The following BRAF variants were observed in gnomAD, a reference collection of about 807,000 sequenced individuals.
BRAF encodes B-Raf proto-oncogene, serine/threonine kinase.
Under a neutral mutation model 104.6 loss-of-function variants are expected in BRAF, and 16 were observed. The observed-to-expected ratio is 0.15, with a 90% confidence interval of 0.10 to 0.23. BRAF has a LOEUF of 0.23. BRAF is among the 10% of genes least tolerant of loss of function. The probability of loss-of-function intolerance (pLI) is 1.00; values close to 1 mark genes in which losing one functional copy is unlikely to be tolerated. For missense variants in BRAF, 541 were observed against 937.3 expected (o/e 0.58, Z 5.52); for synonymous variants, 310 against 341.6 (o/e 0.91, Z 1.02).
At chr7:140,762,043 T>C (rs887886527) in intron 14 of BRAF, among the ~76,000 whole-genome samples, 82 of 152,290 alleles carry the variant, frequency 5.4e-4, no homozygotes, top group Non-Finnish European at 1.0e-3. Flanking sequence ...GGGGACCTAA[T>C]AGACATCTAC....
intron 17 of BRAF, among the ~76,000 whole-genome samples, chr7:140,748,297 G>C (rs1797515608): frequency 6.6e-6 from 1 of 152,028 alleles, no homozygotes. Context: ...CATTAGGTTG[G>C]GAAGTTATGA....
intron 19 of BRAF, among the ~76,000 whole-genome samples, chr7:140,727,049 C>G (rs1795635169): frequency 6.6e-6 from 1 of 152,168 alleles, no homozygotes; most frequent in African/African-American, 2.4e-5. Context: ...CACCTTCAAT[C>G]TAACAAAAAA....
intron 3 of BRAF, among the ~76,000 whole-genome samples, chr7:140,830,703 G>C (rs1212121355): frequency 6.6e-6 from 1 of 152,144 alleles, no homozygotes; most frequent in Non-Finnish European, 1.5e-5. Context: ...ACACCTATAT[G>C]ATGAAGCTTC....
At chr7:140,841,342 CAAAGTGTA>C (rs1807944645) in intron 2 of BRAF, among the ~76,000 whole-genome samples, 1 of 152,164 alleles carries the variant, frequency 6.6e-6, no homozygotes, top group Admixed American at 6.5e-5. Flanking sequence ...GTTAGTTCCT[CAAAGTGTA>C]AAACAGAGTT....
Position 140,719,539 on chromosome 7 carries a change from A to G in BRAF, c.*6955T>C. 12 of 1,046,578 alleles carry G rather than the reference A, an allele frequency of 1.1e-5. No homozygotes were observed. Among genetic ancestry groups the G allele is most frequent in the Non-Finnish European group, 1.3e-5 (11 of 864,928 alleles). The allele number at this position is 1,046,578 out of a possible 1,614,324, so 64.8% of individuals were successfully genotyped here. A position where few individuals can be genotyped will look rare whatever the true frequency, so the allele number is the denominator to read the frequency against. ...ATTTTCTGTTATACAAATTTACATGAGAAAAACTCCAAAGTACAAATGAAG... is the reference window on the plus strand; with the variant it reads ...ATTTTCTGTTATACAAATTTACATGGGAAAAACTCCAAAGTACAAATGAAG... On this transcript the variant is annotated 3_prime_UTR_variant, in exon 20 of 20. Transcript: ENST00000644969.
In BRAF at chr7:140,880,796, G is replaced by A. The variant is rs1457033073; in HGVS notation, c.139-30584C>T. ...GACTAGCCTGGGAAACATAGACCCT[G>A]TCTCTATTAAAAAAAAAAAAAAAAT... On this transcript the variant is annotated intron_variant, in intron 1 of 19. Transcript: ENST00000644969. 2.1e-5 allele frequency among the ~76,000 whole-genome samples: 3 copies of A among 141,268 alleles called. No individual in the cohort carries two copies. In the East Asian group the frequency reaches 6.0e-4, roughly 28 times the overall value. 92.7% of individuals were successfully genotyped at this position (141,268 alleles called of 152,430 possible).
At position 140,924,044 on chromosome 7, in the gene BRAF, A is replaced by T. The variant is rs1211086722; in HGVS notation, c.138+522T>A. 4.6e-5 allele frequency among the ~76,000 whole-genome samples: 7 copies of T among 152,164 alleles called. No homozygotes were observed. The highest frequency in any genetic ancestry group is 1.4e-4 in the African/African-American group (6 of 41,446). ...CAGGTGAAGAGAAATCCCCAAATAG[A>T]AAAGTGAAAAAGGGCAGCGGACTGA... On this transcript the variant is annotated intron_variant, in intron 1 of 19. Transcript: ENST00000644969. This position sits in a 1 kb window ranked among gnomAD's most constrained non-coding sequence, Gnocchi z 4.2.
intron 1 of BRAF, among the ~76,000 whole-genome samples, chr7:140,886,099 C>T (rs1563017154): frequency 6.6e-6 from 1 of 152,166 alleles, no homozygotes; most frequent in Non-Finnish European, 1.5e-5. Context: ...TCACACCACC[C>T]TTTATTAGAT....
intron 1 of BRAF, among the ~76,000 whole-genome samples, chr7:140,864,112 G>C (rs1810691798): frequency 1.3e-5 from 2 of 152,196 alleles, no homozygotes; most frequent in South Asian, 2.1e-4. Flanking sequence ...GGTGCGCCAA[G>C]AATGAATGCA....
rs986712153 is a variant in BRAF, at chr7:140,721,019, A to G, written c.*5475T>C. The G allele has an allele frequency of 9.4e-7, 1 of 1,063,932 alleles. No individual in the cohort carries two copies. Among genetic ancestry groups the G allele is most frequent in the Non-Finnish European group, 1.1e-6 (1 of 878,484 alleles). The allele number at this position is 1,063,932 out of a possible 1,614,324, so 65.9% of individuals were successfully genotyped here. A position where few individuals can be genotyped will look rare whatever the true frequency, so the allele number is the denominator to read the frequency against. ...GTTTGTACAAACATTTTTTGATACT[A>G]CCATGAATAAACATATTTTAGTTGT... On this transcript the variant is annotated 3_prime_UTR_variant, in exon 20 of 20. Coordinates refer to ENST00000644969, the MANE Select transcript of BRAF (RefSeq NM_001374258.1).
intron 1 of BRAF, among the ~76,000 whole-genome samples, chr7:140,873,117 T>C (rs1811800065): frequency 6.6e-6 from 1 of 151,524 alleles, no homozygotes; most frequent in East Asian, 1.9e-4. Context: ...TTCAGTGCTC[T>C]GGACTTCAGC....
downstream of BRAF, among the ~76,000 whole-genome samples, chr7:140,717,096 A>T (rs1795146471): frequency 6.6e-6 from 1 of 152,192 alleles, no homozygotes. Flanking sequence ...CTATGAACTC[A>T]CTGTCATGGA....
intron 17 of BRAF, among the ~76,000 whole-genome samples, chr7:140,748,032 A>C (rs994815218): frequency 6.6e-6 from 1 of 152,210 alleles, no homozygotes; most frequent in African/African-American, 2.4e-5. Flanking sequence ...TTTATAATGA[A>C]CTGGGTAGAA....
chr7:140,805,440 G>A lies in BRAF; in HGVS notation c.711+2520C>T, dbSNP rs930423885. 6.6e-5 allele frequency among the ~76,000 whole-genome samples: 10 copies of A among 152,226 alleles called. No homozygotes were observed. The East Asian group carries it at 1.9e-3, about 29-fold the overall frequency. On this transcript the variant is annotated intron_variant, in intron 5 of 19. Transcript: ENST00000644969. ...ACAGCTGAAGGAAAGAAAACATGTG[G>A]ATATGCATTTGATCATAAATTTTAA...
At chr7:140,908,989 C>CTTTTTTTTTT (rs1224922004) in intron 1 of BRAF, among the ~76,000 whole-genome samples, 1 of 120,186 alleles carries the variant, frequency 8.3e-6, no homozygotes, top group Non-Finnish European at 1.8e-5. Context: ...TCTACGTTTT[C>CTTTTTTTTTT]TTTTTTTTTT....
At chr7:140,727,501 A>T (rs369130513) in intron 19 of BRAF, among the ~76,000 whole-genome samples, 185 of 151,628 alleles carry the variant, frequency 1.2e-3, no homozygotes, top group African/African-American at 4.3e-3. Context: ...TTTTTCATCT[A>T]CCATTTTGTC....
chr7:140,787,287 C>T (rs933016573), intron 9 of BRAF, among the ~76,000 whole-genome samples: 1 of 123,044 alleles, frequency 8.1e-6, no homozygotes, highest in African/African-American at 3.2e-5. Context: ...GGCGACAGAG[C>T]GAGACTCCGT....
rs755214031 is a variant in BRAF, at chr7:140,754,214, T to C, written c.1834A>G (p.Ile612Val). ...TTACTCTTGAGGTCTCTGTGGATGA[T>C]TGACTTGGCGTGTAAGTAACTGAAA... ...QGMDYLHAKS[I>V]IHRDLKSNNI... Residue 612 changes from isoleucine to valine, a missense_variant, in exon 15 of 20, where the codon ATC becomes GTC. Around this residue, in one of 10 missense-constraint regions of BRAF, gnomAD observed 129 missense variants for 285.8 expected, o/e 0.45. Coordinates refer to ENST00000644969, the MANE Select transcript of BRAF (RefSeq NM_001374258.1). 1.9e-6 allele frequency: 3 copies of C among 1,613,858 alleles called. No individual in the cohort carries two copies. The highest frequency in any genetic ancestry group is 2.5e-6 in the Non-Finnish European group (3 of 1,179,790).
chr7:140,760,061 T>C (rs1380099503), intron 14 of BRAF, among the ~76,000 whole-genome samples: 1 of 152,214 alleles, frequency 6.6e-6, no homozygotes, highest in Non-Finnish European at 1.5e-5. Flanking sequence ...AACTGTGGAC[T>C]GAGAATTTTA....
Sources: allele counts gnomAD v4.1 joint callset (sites outside exome capture counted in the v4.1 genomes callset), GRCh38; gene constraint gnomAD v4.1.1; regional missense constraint gnomAD v4.1.1; non-coding constraint Gnocchi (gnomAD v3.1); transcripts MANE v1.5; gene names NCBI Gene and HGNC (gene_info 2026-07-23, HGNC 2026-07-21).